EHBP1: variants seen among roughly 807,000 people sequenced by gnomAD.
EHBP1 encodes EH domain-binding protein 1.
Under a neutral mutation model 144.0 loss-of-function variants are expected in EHBP1, and 55 were observed. The observed-to-expected ratio is 0.38, with a 90% CI of 0.31 to 0.48. The LOEUF (loss-of-function observed/expected upper bound fraction) is 0.48. Ranked by LOEUF, EHBP1 falls within the 20% of genes least tolerant of loss-of-function variation. The pLI is 0.98. For synonymous variants in EHBP1, 469 were observed against 472.7 expected (o/e 0.99, Z 0.10); for missense variants, 1,200 against 1,364.2 (o/e 0.88, Z 1.90).
chr2:62,675,670 A>G (rs914911834), intron 1 of EHBP1, among the ~76,000 whole-genome samples: 2 of 152,196 alleles, frequency 1.3e-5, no homozygotes, highest in African/African-American at 4.8e-5. Flanking sequence ...GCTGCAAAAA[A>G]AGGCCACATA....
intron 14 of EHBP1, among the ~76,000 whole-genome samples, chr2:62,974,856 G>A (rs562103155): frequency 2.6e-5 from 4 of 152,182 alleles, no homozygotes; most frequent in Non-Finnish European, 5.9e-5. Context: ...TAGTCTGTGT[G>A]GTGTTACTTA....
At chr2:63,018,070 C>A (rs1338748184) in intron 19 of EHBP1, among the ~76,000 whole-genome samples, 1 of 152,126 alleles carries the variant, frequency 6.6e-6, no homozygotes, top group Non-Finnish European at 1.5e-5. Context: ...GAGGCTGAGG[C>A]AGGAGAATTG....
chr2:63,045,135 A>T lies in EHBP1; in HGVS notation c.3347A>T (p.Asn1116Ile). The change falls in exon 22 of 23, where the codon AAC becomes ATC. Residue 1116 changes from asparagine (N) to isoleucine (I), a missense_variant. Physicochemically the swap from Asn to Ile is moderately radical, Grantham distance 149 (BLOSUM62 -3). Transcript: ENST00000431489. This position sits in a 1 kb window ranked among gnomAD's most constrained non-coding sequence, Gnocchi z 5.7. ...LLLDELVALV[N>I]KRDALVRDLD... The stretch of plus-strand genomic sequence containing the variant: ...CTAGATGAGCTGGTGGCCCTGGTGA[A>T]CAAGCGCGATGCGCTCGTCAGGGAC... The T allele has an allele frequency of 6.3e-7, 1 of 1,598,056 alleles. No individual in the cohort carries two copies. The highest frequency in any genetic ancestry group is 8.5e-7 in the Non-Finnish European group (1 of 1,172,044).
chr2:62,964,358 G>A (rs1267788430), intron 14 of EHBP1, among the ~76,000 whole-genome samples: 2 of 152,178 alleles, frequency 1.3e-5, no homozygotes, highest in African/African-American at 4.8e-5. Flanking sequence ...CCATATGGCT[G>A]TTCAGTGCCG....
intron 2 of EHBP1, among the ~76,000 whole-genome samples, chr2:62,713,771 A>G (rs2035391279): frequency 6.6e-6 from 1 of 152,252 alleles, no homozygotes; most frequent in Admixed American, 6.5e-5. Flanking sequence ...TCAAAGGCAT[A>G]TGATTTTAGC....
intron 14 of EHBP1, among the ~76,000 whole-genome samples, chr2:62,962,326 TAATAA>T (rs2058043488): frequency 6.6e-6 from 1 of 152,102 alleles, no homozygotes; most frequent in African/African-American, 2.4e-5. Flanking sequence ...TCTCAAAAAA[TAATAA>T]AATAAAAATA....
chr2:62,909,310 G>A (rs2054025045), intron 10 of EHBP1, among the ~76,000 whole-genome samples: 1 of 152,088 alleles, frequency 6.6e-6, no homozygotes, highest in East Asian at 1.9e-4. Context: ...AGCCTCCCGA[G>A]TAGCTGGGAC....
intron 14 of EHBP1, among the ~76,000 whole-genome samples, chr2:62,977,841 A>G (rs2058784941): frequency 1.3e-5 from 2 of 152,200 alleles, no homozygotes; most frequent in African/African-American, 4.8e-5. Context: ...TAGAGGAAGG[A>G]TTACTTTATT....
At chr2:62,770,981 C>T (rs1416162981) in intron 4 of EHBP1, among the ~76,000 whole-genome samples, 1 of 151,978 alleles carries the variant, frequency 6.6e-6, no homozygotes, top group Admixed American at 6.6e-5. Context: ...AAGAAGGGAA[C>T]AACAGACACT....
intron 19 of EHBP1, among the ~76,000 whole-genome samples, chr2:62,997,428 A>G (rs2430387): frequency 0.32 from 28,645 of 90,598 alleles, 3,568 homozygotes; most frequent in East Asian, 0.39. Flanking sequence ...AAAGGAACTC[A>G]TGTGTGTGTG....
rs762492006 is a variant in EHBP1, at chr2:62,859,338, A to G, written c.757+47A>G. On this transcript the variant is annotated intron_variant, in intron 8 of 22. Coordinates refer to ENST00000431489, the MANE Select transcript of EHBP1 (RefSeq NM_001142616.3). ...TTAAAGTCTTTGTATAGTCAAGTTG[A>G]CTTGAACTGTAAGGGCAGGAAAATA... 8 of 1,540,252 alleles carry G rather than the reference A, an allele frequency of 5.2e-6. No homozygotes were observed. In the South Asian group the frequency reaches 1.0e-4, roughly 19 times the overall value.
chr2:62,979,787 A>G (rs1205471053), intron 15 of EHBP1, among the ~76,000 whole-genome samples: 1 of 152,174 alleles, frequency 6.6e-6, no homozygotes, highest in Non-Finnish European at 1.5e-5. Context: ...AAGTTTATAT[A>G]AGTCCCATCT....
chr2:62,942,564 C>T lies in EHBP1; in HGVS notation c.1186-154C>T, dbSNP rs183408902. On this transcript the variant is annotated intron_variant, in intron 10 of 22. Coordinates refer to ENST00000431489, the MANE Select transcript of EHBP1 (RefSeq NM_001142616.3). ...ACTGAAGATAATTTAAGATTTATGT[C>T]TCCCTCTTGGAGGTTACAGTTGTCG... 3.9e-5 allele frequency among the ~76,000 whole-genome samples: 6 copies of T among 152,346 alleles called. No homozygotes were observed. In the East Asian group the frequency reaches 1.2e-3, roughly 29 times the overall value.
intron 5 of EHBP1, among the ~76,000 whole-genome samples, chr2:62,789,389 G>A (rs1034849570): frequency 2.0e-5 from 3 of 152,162 alleles, no homozygotes; most frequent in Non-Finnish European, 4.4e-5. Context: ...AGTTGATAGA[G>A]TTAAGTTTAG....
chr2:62,833,089 G>A (rs1459615489), intron 7 of EHBP1, among the ~76,000 whole-genome samples: 6 of 152,138 alleles, frequency 3.9e-5, no homozygotes, highest in Admixed American at 3.9e-4. Context: ...TACAGAGAAA[G>A]CTTTAATGGT....
At position 62,772,979 on chromosome 2, in the gene EHBP1, T is replaced by G. The variant is rs114284147; in HGVS notation, c.312+1587T>G. Among the ~76,000 whole-genome samples, 1,001 of 152,348 alleles carry G rather than the reference T, an allele frequency of 6.6e-3. 15 individuals carry two copies. The highest frequency in any genetic ancestry group is 0.023 in the African/African-American group (960 of 41,566). On this transcript the variant is annotated intron_variant, in intron 5 of 22. Transcript: ENST00000431489. ...TGAAGTTATGAGATTTCAGAAGGAT[T>G]GTGAAATTGCTATATTCTTAATGCA...
chr2:62,870,849 T>G (rs1361421659), intron 9 of EHBP1, among the ~76,000 whole-genome samples: 1 of 151,840 alleles, frequency 6.6e-6, no homozygotes, highest in Non-Finnish European at 1.5e-5. Flanking sequence ...TTTCTCATCT[T>G]TTCCACATTT....
chr2:63,009,199 G>T (rs545582573), intron 19 of EHBP1, among the ~76,000 whole-genome samples: 2 of 151,694 alleles, frequency 1.3e-5, no homozygotes, highest in East Asian at 3.9e-4. Flanking sequence ...GTTTATTTTT[G>T]ATTCCCAAGA....
intron 10 of EHBP1, among the ~76,000 whole-genome samples, chr2:62,929,053 C>T (rs2055764913): frequency 6.6e-6 from 1 of 152,064 alleles, no homozygotes; most frequent in Non-Finnish European, 1.5e-5. Context: ...AGAAAATATG[C>T]ATAGAGCTCT....
Sources: gnomAD v4.1 joint callset for allele counts (sites outside exome capture counted in the v4.1 genomes callset) on GRCh38, gnomAD v4.1.1 for gene constraint, Gnocchi (gnomAD v3.1) non-coding constraint, MANE v1.5 for transcripts, NCBI Gene and HGNC (gene_info 2026-07-23, HGNC 2026-07-21) for gene names.